TRPV4: variants seen among roughly 807,000 people sequenced by gnomAD.
The protein encoded by TRPV4 is transient receptor potential cation channel subfamily V member 4.
TRPV4 carries 58 observed loss-of-function variants against 84.1 expected under a neutral mutation model. That is an observed-to-expected ratio of 0.69 (90% CI 0.56 to 0.86). The LOEUF (loss-of-function observed/expected upper bound fraction) is 0.86. Among genes scored for constraint, TRPV4 ranks in the 40% least tolerant of loss-of-function variants. The pLI is 0.00. For missense variants in TRPV4, 879 were observed against 1,181.1 expected, an observed-to-expected ratio of 0.74 and a Z score of 3.75; for synonymous variants, 489 against 500.9, an observed-to-expected ratio of 0.98 and a Z score of 0.32.
chr12:109,799,864 G>C (rs1890661785), intron 5 of TRPV4, among the ~76,000 whole-genome samples: 1 of 152,122 alleles, frequency 6.6e-6, no homozygotes, highest in African/African-American at 2.4e-5. Flanking sequence ...AGGTTCAAGT[G>C]ATCCTCCAGC....
At chr12:109,817,191 G>C (rs1891892403) in intron 1 of TRPV4, among the ~76,000 whole-genome samples, 1 of 152,182 alleles carries the variant, frequency 6.6e-6, no homozygotes, top group Non-Finnish European at 1.5e-5. Context: ...GGGCCAGGGG[G>C]TTGCTGAGGC....
At chr12:109,817,959 G>A (rs1485658772) in intron 1 of TRPV4, among the ~76,000 whole-genome samples, 1 of 152,104 alleles carries the variant, frequency 6.6e-6, no homozygotes, top group African/African-American at 2.4e-5. Flanking sequence ...AATGTCAATA[G>A]CGTCGAGACT....
At chr12:109,803,283 G>A in intron 3 of TRPV4, 140 bp from the exon 4 acceptor site, 1 of 1,039,756 alleles carries the variant, frequency 9.6e-7, no homozygotes, top group Admixed American at 2.0e-5. Flanking sequence ...TTCCTCATCT[G>A]TCCAGTGGGG....
In TRPV4 at chr12:109,784,303, C is replaced by T; in HGVS notation, c.2458+13G>A. On this transcript the variant is annotated intron_variant, in intron 15 of 15. Transcript: ENST00000261740. ...GGACTGGGGCTCCCCTCCGCACCCG[C>T]CCCTCCACTCACCCCTGCGGAGGCG... 1 of 1,614,098 alleles carries T rather than the reference C, an allele frequency of 6.2e-7. No homozygotes were observed. The highest frequency in any genetic ancestry group is 8.5e-7 in the Non-Finnish European group (1 of 1,180,014).
chr12:109,799,018 C>G (rs1022233106), intron 5 of TRPV4, 106 bp from the exon 6 acceptor site: 2 of 1,097,912 alleles, frequency 1.8e-6, no homozygotes, highest in Non-Finnish European at 2.6e-6. Context: ...AGGATAATGA[C>G]GGAGACAGCA....
At chr12:109,804,498 T>C (rs764706969) in intron 3 of TRPV4, among the ~76,000 whole-genome samples, 1 of 152,206 alleles carries the variant, frequency 6.6e-6, no homozygotes, top group Non-Finnish European at 1.5e-5. Flanking sequence ...AATCAGTGTT[T>C]GTTGATTAGC....
intron 1 of TRPV4, among the ~76,000 whole-genome samples, chr12:109,819,961 CCA>C (rs1892025737): frequency 6.6e-6 from 1 of 152,120 alleles, no homozygotes; most frequent in Non-Finnish European, 1.5e-5. Context: ...GAATGGTGGT[CCA>C]CACAGAGATG....
At chr12:109,818,813 C>T (rs1356331555) in intron 1 of TRPV4, among the ~76,000 whole-genome samples, 2 of 152,206 alleles carry the variant, frequency 1.3e-5, no homozygotes. Context: ...CACACATGCA[C>T]ACACGTGCCA....
Position 109,793,729 on chromosome 12 carries a change from T to C in TRPV4, c.1585-129A>G. The C allele has an allele frequency of 1.1e-6, 1 of 906,738 alleles. No individual in the cohort carries two copies. The highest frequency in any genetic ancestry group is 1.8e-6 in the Non-Finnish European group (1 of 562,244). The allele number at this position is 906,738 out of a possible 1,614,324, so 56.2% of individuals were successfully genotyped here. A position where few individuals can be genotyped will look rare whatever the true frequency, so the allele number is the denominator to read the frequency against. On this transcript the variant is annotated intron_variant, in intron 9 of 15. Coordinates refer to ENST00000261740, the MANE Select transcript of TRPV4 (RefSeq NM_021625.5). The surrounding 1 kb of genome is among the most constrained non-coding windows in gnomAD (Gnocchi z 4.0). ...GTACAGAGAAAAGACAAAGGACTCT[T>C]TCCTGTTAGAAAAGGAGAAAAAAGC... is the stretch of plus-strand genomic sequence containing the variant.
chr12:109,793,672 G>C lies in TRPV4; in HGVS notation c.1585-72C>G, dbSNP rs1592829275. On this transcript the variant is annotated intron_variant, in intron 9 of 15. Transcript: ENST00000261740. This position sits in a 1 kb window ranked among gnomAD's most constrained non-coding sequence, Gnocchi z 4.0. Reference sequence around the variant, plus strand: ...AGGAGAGGAGGAGAGAGGAGACAGAGAAAGGGATAGAAGAGAGGGAGGCAG... The same window carrying C: ...AGGAGAGGAGGAGAGAGGAGACAGACAAAGGGATAGAAGAGAGGGAGGCAG... 7.8e-7 allele frequency: 1 copy of C among 1,278,944 alleles called. No homozygotes were observed. Among genetic ancestry groups the C allele is most frequent in the East Asian group, 2.3e-5 (1 of 43,112 alleles). 79.2% of individuals were successfully genotyped at this position (1,278,944 alleles called of 1,614,324 possible).
At chr12:109,789,946 A>T (rs1889928471) in intron 12 of TRPV4, among the ~76,000 whole-genome samples, 1 of 152,186 alleles carries the variant, frequency 6.6e-6, no homozygotes, top group Non-Finnish European at 1.5e-5. Flanking sequence ...AGTGCATCCT[A>T]TAAGGAGAAG....
chr12:109,808,822 CCATCCATCCATCACT>C (rs1270610448), intron 2 of TRPV4, among the ~76,000 whole-genome samples: 1 of 150,786 alleles, frequency 6.6e-6, no homozygotes, highest in African/African-American at 2.5e-5. Flanking sequence ...ATCTATCCAC[CCATCCATCCATCACT>C]CATCCATCCA....
chr12:109,802,616 T>TTA (rs1555208549), intron 4 of TRPV4, among the ~76,000 whole-genome samples: 9 of 105,150 alleles, frequency 8.6e-5, no homozygotes, highest in East Asian at 8.1e-4. Flanking sequence ...TTTATTTTAT[T>TTA]TTTTTTTTTT....
chr12:109,802,620 T>A (rs925681661), intron 4 of TRPV4, among the ~76,000 whole-genome samples: 9 of 150,898 alleles, frequency 6.0e-5, no homozygotes, highest in African/African-American at 1.9e-4. Context: ...TTTTATTTTT[T>A]TTTTTTTGTA....
chr12:109,824,779 G>C lies in TRPV4; in HGVS notation c.-32+8571C>G, dbSNP rs1393553679. Among the ~76,000 whole-genome samples the C allele has an allele frequency of 4.1e-5, 4 of 98,234 alleles. No individual in the cohort carries two copies. In the East Asian group the frequency reaches 1.7e-3, roughly 41 times the overall value. 64.4% of individuals were successfully genotyped at this position (98,234 alleles called of 152,430 possible). A position where few individuals can be genotyped will look rare whatever the true frequency, so the allele number is the denominator to read the frequency against. ...CTCAACAAAACAAAACCTTAGGCCCGCCTTCTCTCTGGCCTAGCCCCTCTC... is the reference window on the plus strand; with the variant it reads ...CTCAACAAAACAAAACCTTAGGCCCCCCTTCTCTCTGGCCTAGCCCCTCTC... On this transcript the variant is annotated intron_variant, in intron 1 of 15. Transcript: ENST00000261740.
chr12:109,800,542 G>A lies in TRPV4; in HGVS notation c.853+76C>T, dbSNP rs1890707228. 3 of 1,579,636 alleles carry A rather than the reference G, an allele frequency of 1.9e-6. No individual in the cohort carries two copies. The Admixed American group carries it at 5.0e-5, about 27-fold the overall frequency. On this transcript the variant is annotated intron_variant, in intron 5 of 15. Coordinates refer to ENST00000261740, the MANE Select transcript of TRPV4 (RefSeq NM_021625.5). ...TGTCTGGGTGATGGTCAGGGCTGCA[G>A]ACACCAACCAGTATCATGCTATCTC...
At chr12:109,792,506 C>A in intron 11 of TRPV4, 77 bp from the exon 12 acceptor site, 1 of 1,576,662 alleles carries the variant, frequency 6.3e-7, no homozygotes, top group Non-Finnish European at 8.7e-7. Flanking sequence ...CCATCTCCAC[C>A]CTGGTCCCAC....
At chr12:109,833,227 G>A (rs2136739198) in intron 1 of TRPV4, 123 bp downstream of exon 1, 1 of 152,430 alleles carries the variant, frequency 6.6e-6, no homozygotes, top group East Asian at 1.9e-4. Flanking sequence ...TCCGTCTCCC[G>A]CGCCCCTGGC....
chr12:109,825,644 C>T (rs1892232723), intron 1 of TRPV4, among the ~76,000 whole-genome samples: 1 of 152,108 alleles, frequency 6.6e-6, no homozygotes, highest in African/African-American at 2.4e-5. Context: ...CTTCTGTCAC[C>T]TTTAGAAGGC....
Sources: allele counts gnomAD v4.1 joint callset (sites outside exome capture counted in the v4.1 genomes callset), GRCh38; gene constraint gnomAD v4.1.1; non-coding constraint Gnocchi (gnomAD v3.1); transcripts MANE v1.5; gene names NCBI Gene and HGNC (gene_info 2026-07-23, HGNC 2026-07-21).